Variants in SDK2 observed in about 807,000 individuals in gnomAD.
SDK2 encodes the protein protein sidekick-2.
SDK2 carries 105 observed loss-of-function variants against 253.9 expected under a neutral mutation model. The ratio of observed to expected loss-of-function variants is 0.41; its 90% CI spans 0.35 to 0.49. The LOEUF (loss-of-function observed/expected upper bound fraction) is 0.49, where lower values mean the gene tolerates loss of function less well. SDK2 is among the 20% of genes least tolerant of loss of function. The probability of loss-of-function intolerance (pLI) is 0.06; values close to 1 mark genes in which losing one functional copy is unlikely to be tolerated. For synonymous variants in SDK2, 1,249 were observed against 1,234.9 expected (o/e 1.01, Z -0.24); for missense variants, 2,608 against 3,003.0 (o/e 0.87, Z 3.07).
intron 1 of SDK2, among the ~76,000 whole-genome samples, chr17:73,549,195 C>A (rs555576517): frequency 6.6e-6 from 1 of 152,152 alleles, no homozygotes. Context: ...GCAGAGAAGC[C>A]GGAGTGAGGA....
intron 1 of SDK2, among the ~76,000 whole-genome samples, chr17:73,597,535 C>T (rs771337547): frequency 4.3e-4 from 66 of 152,212 alleles, no homozygotes; most frequent in Non-Finnish European, 7.9e-4. Flanking sequence ...CGTCCTGTCT[C>T]TCAGGGCTCA....
intron 2 of SDK2, among the ~76,000 whole-genome samples, chr17:73,503,037 C>G (rs531935020): frequency 6.6e-6 from 1 of 152,146 alleles, no homozygotes; most frequent in Non-Finnish European, 1.5e-5. Flanking sequence ...GAGGATATAA[C>G]TGGACAAACC....
intron 1 of SDK2, among the ~76,000 whole-genome samples, chr17:73,533,317 G>A (rs925379139): frequency 3.2e-4 from 48 of 152,366 alleles, no homozygotes; most frequent in Non-Finnish European, 6.3e-4. Flanking sequence ...CGACTGGCAC[G>A]GTGGCTTGGC....
rs12604032 is a variant in SDK2, at chr17:73,639,090, G to A, written c.64+4935C>T. Among the ~76,000 whole-genome samples the A allele has an allele frequency of 0.33, 50,658 of 152,032 alleles. 8,477 individuals are homozygous for A. Among genetic ancestry groups the A allele is most frequent in the South Asian group, 0.37 (1,808 of 4,826 alleles). On this transcript the variant is annotated intron_variant, in intron 1 of 44. Transcript: ENST00000392650. The surrounding 1 kb of genome is among the most constrained non-coding windows in gnomAD (Gnocchi z 4.3). Reference sequence around the variant, plus strand: ...CTCCCAAAGTGCTGGGATTACAGGCGTGAGCCACTGTGCCTGGCTGGTAGA... The same window carrying A: ...CTCCCAAAGTGCTGGGATTACAGGCATGAGCCACTGTGCCTGGCTGGTAGA...
chr17:73,422,844 A>C (rs2145587399), intron 14 of SDK2, among the ~76,000 whole-genome samples: 1 of 152,168 alleles, frequency 6.6e-6, no homozygotes, highest in African/African-American at 2.4e-5. Flanking sequence ...CAATATGGTG[A>C]AATCCCATCT....
At chr17:73,424,633 A>G (rs1295248414) in intron 12 of SDK2, among the ~76,000 whole-genome samples, 1 of 152,238 alleles carries the variant, frequency 6.6e-6, no homozygotes, top group Non-Finnish European at 1.5e-5. Context: ...ACAATAAAAA[A>G]TATCTTCTCT....
intron 1 of SDK2, among the ~76,000 whole-genome samples, chr17:73,557,759 A>T (rs2045167068): frequency 6.6e-6 from 1 of 151,956 alleles, no homozygotes; most frequent in African/African-American, 2.4e-5. Context: ...GAGGGTAGAG[A>T]GAACCCAAAG....
At chr17:73,495,619 C>CGTGTGTGTGTGTGTGTGTGTGT (rs60091992) in intron 2 of SDK2, among the ~76,000 whole-genome samples, 4 of 148,436 alleles carry the variant, frequency 2.7e-5, no homozygotes, top group Non-Finnish European at 4.5e-5. Context: ...AGGCCTGCCC[C>CGTGTGTGTGTGTGTGTGTGTGT]GTGTGTGTGT....
intron 4 of SDK2, among the ~76,000 whole-genome samples, chr17:73,454,149 G>A (rs2063506966): frequency 6.6e-6 from 1 of 152,230 alleles, no homozygotes; most frequent in Non-Finnish European, 1.5e-5. Flanking sequence ...ATCTAGGTGT[G>A]TGTTCACACA....
At chr17:73,456,851 G>C (rs555738876) in intron 3 of SDK2, among the ~76,000 whole-genome samples, 2 of 152,202 alleles carry the variant, frequency 1.3e-5, no homozygotes, top group African/African-American at 4.8e-5. Flanking sequence ...CAACACGGAG[G>C]CTTGGAGATA....
chr17:73,425,993 A>C (rs915531492), intron 12 of SDK2, among the ~76,000 whole-genome samples: 1 of 152,104 alleles, frequency 6.6e-6, no homozygotes, highest in African/African-American at 2.4e-5. Flanking sequence ...ATGATACAGT[A>C]TATTTACATG....
chr17:73,355,989 C>T (rs927025659), intron 40 of SDK2, among the ~76,000 whole-genome samples: 8 of 152,182 alleles, frequency 5.3e-5, no homozygotes, highest in African/African-American at 1.7e-4. Context: ...TGTCAAGCAT[C>T]CTGGGTCTAC....
chr17:73,340,734 G>GTTTTTTTTTTTTTTTT (rs10638504), intron 44 of SDK2, among the ~76,000 whole-genome samples: 1 of 77,550 alleles, frequency 1.3e-5, no homozygotes, highest in Non-Finnish European at 2.2e-5. Context: ...AAACCTTAAA[G>GTTTTTTTTTTTTTTTT]TTTTTTTTTT....
intron 18 of SDK2, among the ~76,000 whole-genome samples, chr17:73,411,007 T>C (rs893388081): frequency 6.6e-6 from 1 of 152,232 alleles, no homozygotes; most frequent in Non-Finnish European, 1.5e-5. Flanking sequence ...AGCAAGAAGC[T>C]AATTGTTCCC....
chr17:73,440,165 T>A (rs2063403730), intron 6 of SDK2, among the ~76,000 whole-genome samples: 1 of 150,312 alleles, frequency 6.7e-6, no homozygotes, highest in African/African-American at 2.5e-5. Flanking sequence ...TGGAGTGCAA[T>A]GGTGCAATCT....
chr17:73,532,717 G>C (rs1369550960), intron 1 of SDK2, among the ~76,000 whole-genome samples: 4 of 152,182 alleles, frequency 2.6e-5, no homozygotes, highest in East Asian at 1.9e-4. Flanking sequence ...AAGGAAACGG[G>C]GGGGCTGGAG....
chr17:73,522,995 T>A (rs1337890231), intron 1 of SDK2, among the ~76,000 whole-genome samples: 1 of 152,118 alleles, frequency 6.6e-6, no homozygotes, highest in African/African-American at 2.4e-5. Flanking sequence ...TGCCACAGCT[T>A]CTTAGCTTCT....
At position 73,399,162 on chromosome 17, in the gene SDK2, C is replaced by T; in HGVS notation, c.3093+6G>A. 1 of 1,613,308 alleles carries T rather than the reference C, an allele frequency of 6.2e-7. No homozygotes were observed. The highest frequency in any genetic ancestry group is 8.5e-7 in the Non-Finnish European group (1 of 1,179,814). ...GGCTGCTGGTCAGGCCCCAGGCCTGCCCTACCTGGGCTTCCACCAGCCAGC... is the reference window on the plus strand; with the variant it reads ...GGCTGCTGGTCAGGCCCCAGGCCTGTCCTACCTGGGCTTCCACCAGCCAGC... On this transcript the variant is annotated splice_donor_region_variant and intron_variant, in intron 22 of 44. Transcript: ENST00000392650.
chr17:73,400,994 G>A (rs771855126), intron 21 of SDK2, 26 bp downstream of exon 21: 10 of 1,550,020 alleles, frequency 6.5e-6, no homozygotes, highest in Non-Finnish European at 8.7e-6. Context: ...AACTCAAAGA[G>A]TCCTGCCTTG....
Sources: allele counts gnomAD v4.1 joint callset (sites outside exome capture counted in the v4.1 genomes callset), GRCh38; gene constraint gnomAD v4.1.1; non-coding constraint Gnocchi (gnomAD v3.1); transcripts MANE v1.5; gene names NCBI Gene and HGNC (gene_info 2026-07-23, HGNC 2026-07-21).